Variants in SLIT2 observed in about 807,000 individuals in gnomAD.
The protein encoded by SLIT2 is slit homolog 2 protein.
In SLIT2, 41 loss-of-function variants were observed where a neutral mutation model predicts 185.7. The observed-to-expected ratio is 0.22, with a 90% CI of 0.17 to 0.29. The LOEUF is 0.29. Ranked by LOEUF, SLIT2 falls within the 10% of genes least tolerant of loss-of-function variation. The pLI is 1.00. For synonymous variants in SLIT2, 693 were observed against 680.2 expected (o/e 1.02, Z -0.29); for missense variants, 1,571 against 1,909.0 (o/e 0.82, Z 3.30).
intron 4 of SLIT2, among the ~76,000 whole-genome samples, chr4:20,289,954 C>T (rs1715638330): frequency 6.6e-6 from 1 of 152,212 alleles, no homozygotes; most frequent in African/African-American, 2.4e-5. Flanking sequence ...TCTGTCTGTG[C>T]TCCAGCTGCA....
intron 18 of SLIT2, among the ~76,000 whole-genome samples, chr4:20,536,855 C>T (rs1163683242): frequency 1.3e-5 from 2 of 151,552 alleles, no homozygotes; most frequent in Non-Finnish European, 2.9e-5. Context: ...GATTTACTTA[C>T]TTTTGCATTT....
At chr4:20,579,182 C>A (rs1726322746) in intron 29 of SLIT2, among the ~76,000 whole-genome samples, 1 of 151,674 alleles carries the variant, frequency 6.6e-6, no homozygotes, top group South Asian at 2.1e-4. Context: ...TGCCTGTAAT[C>A]CCAGCTACTC....
chr4:20,580,040 GT>G (rs1338898680), intron 29 of SLIT2, among the ~76,000 whole-genome samples: 1 of 134,934 alleles, frequency 7.4e-6, no homozygotes, highest in African/African-American at 2.8e-5. Flanking sequence ...TATATATTAT[GT>G]ATATATTATA....
At chr4:20,609,570 G>A (rs1159339083) in intron 33 of SLIT2, among the ~76,000 whole-genome samples, 4 of 152,134 alleles carry the variant, frequency 2.6e-5, no homozygotes, top group Non-Finnish European at 4.4e-5. Context: ...TTTTTTAAGA[G>A]CAGAAGCCAG....
At position 20,454,761 on chromosome 4, in the gene SLIT2, T is replaced by A. The variant is rs1037233337; in HGVS notation, c.396-12991T>A. Among the ~76,000 whole-genome samples the A allele has an allele frequency of 4.6e-5, 7 of 152,224 alleles. 1 individual carries two copies. The highest frequency in any genetic ancestry group is 2.0e-4 in the Admixed American group (3 of 15,288). ...TAGGTATTATACATTGCTGTTTCAA[T>A]TTATATAATTAAAATTATATCATTG... is the stretch of plus-strand genomic sequence containing the variant. On this transcript the variant is annotated intron_variant, in intron 4 of 36. Transcript: ENST00000504154.
chr4:20,530,385 TCAGTCCCCCACCCC>T (rs1452840012), intron 16 of SLIT2, among the ~76,000 whole-genome samples: 6 of 151,682 alleles, frequency 4.0e-5, no homozygotes, highest in African/African-American at 1.5e-4. Flanking sequence ...TCCTCCCACC[TCAGTCCCCCACCCC>T]CATCTCCCCA....
At chr4:20,417,647 G>A (rs971976394) in intron 4 of SLIT2, among the ~76,000 whole-genome samples, 2 of 151,398 alleles carry the variant, frequency 1.3e-5, no homozygotes, top group Non-Finnish European at 2.9e-5. Flanking sequence ...TCAGCCTCCC[G>A]AGTAGCTGGG....
intron 9 of SLIT2, among the ~76,000 whole-genome samples, chr4:20,508,700 T>G (rs1719428976): frequency 1.3e-5 from 2 of 152,130 alleles, no homozygotes; most frequent in South Asian, 4.2e-4. Flanking sequence ...GAGTAGGGCA[T>G]TATGGATTTA....
intron 4 of SLIT2, among the ~76,000 whole-genome samples, chr4:20,309,713 A>C (rs553347381): frequency 6.6e-6 from 1 of 150,932 alleles, no homozygotes; most frequent in East Asian, 1.9e-4. Context: ...GTACTACTAA[A>C]GCTCCTTCTA....
At chr4:20,478,180 G>A (rs1442142454) in intron 5 of SLIT2, among the ~76,000 whole-genome samples, 1 of 152,098 alleles carries the variant, frequency 6.6e-6, no homozygotes, top group African/African-American at 2.4e-5. Context: ...AAATTGACAG[G>A]TTAATGAAAG....
rs113449191 is a variant in SLIT2 at position 20,539,417 on chromosome 4, A to G, written c.1833-24A>G. 3.1e-6 allele frequency: 5 copies of G among 1,605,884 alleles called. No individual in the cohort carries two copies. The South Asian group carries it at 4.5e-5, about 14-fold the overall frequency. On this transcript the variant is annotated intron_variant, in intron 18 of 36. Coordinates refer to ENST00000504154, the MANE Select transcript of SLIT2 (RefSeq NM_004787.4). ...GATTGCCTGATGCTTTGTCTCCATA[A>G]CAATGTCCTTTTTTTCCCCTCAGGA...
At chr4:20,539,680 T>C in intron 19 of SLIT2, 96 bp downstream of exon 19, 1 of 850,372 alleles carries the variant, frequency 1.2e-6, no homozygotes. Context: ...TAAAATGTGA[T>C]CAAGGGTTTT....
chr4:20,443,961 A>G (rs1729962724), intron 4 of SLIT2, among the ~76,000 whole-genome samples: 1 of 152,194 alleles, frequency 6.6e-6, no homozygotes, highest in South Asian at 2.1e-4. Context: ...CAGGTACAAT[A>G]CCATTTGACT....
chr4:20,264,926 A>G (rs1560266527), intron 3 of SLIT2, among the ~76,000 whole-genome samples: 2 of 151,888 alleles, frequency 1.3e-5, no homozygotes, highest in Non-Finnish European at 2.9e-5. Context: ...CTTATATATC[A>G]CTATATCTCT....
intron 6 of SLIT2, among the ~76,000 whole-genome samples, chr4:20,481,657 C>T (rs1005053899): frequency 5.9e-5 from 9 of 151,764 alleles, no homozygotes; most frequent in South Asian, 2.1e-4. Flanking sequence ...TAAAAGTTAT[C>T]GAGAAATCAT....
In SLIT2 at chr4:20,616,988, G is replaced by A. The variant is rs772793672; in HGVS notation, c.3926G>A (p.Arg1309Gln). The change falls in exon 35 of 37, where the codon CGG becomes CAG. Residue 1309 changes from arginine (R) to glutamine (Q), a missense_variant. Physicochemically the swap from Arg to Gln is conservative, Grantham distance 43. This residue lies in a region of SLIT2 where 146 missense variants were observed against 247.4 expected (regional missense o/e 0.59). Transcript: ENST00000504154. Reference sequence around the variant, plus strand: ...GGAACCAGCTTCCACGGCTGCATCCGGAACCTTTACATCAACAGTGAGCTG... The same window carrying A: ...GGAACCAGCTTCCACGGCTGCATCCAGAACCTTTACATCAACAGTGAGCTG... The part of the protein sequence containing the change: ...QNGTSFHGCI[R>Q]NLYINSELQD... 1.2e-5 allele frequency: 19 copies of A among 1,613,984 alleles called. No individual in the cohort carries two copies. Among genetic ancestry groups the A allele is most frequent in the Middle Eastern group, 1.6e-4 (1 of 6,084 alleles).
intron 4 of SLIT2, among the ~76,000 whole-genome samples, chr4:20,431,945 CTCTCTT>C (rs966526480): frequency 9.2e-5 from 14 of 152,044 alleles, no homozygotes; most frequent in Admixed American, 7.9e-4. Context: ...ATCTCTCTCT[CTCTCTT>C]TCTCTTTCTC....
Position 20,553,745 on chromosome 4 carries a change from GTGTGTGTGTGTA to G in SLIT2, c.2562-48_2562-37del, listed in dbSNP as rs1425675845. On this transcript the variant is annotated intron_variant, in intron 25 of 36. Coordinates refer to ENST00000504154, the MANE Select transcript of SLIT2 (RefSeq NM_004787.4). ...ACAATACTTCCATACTTGTGTGTGT[GTGTGTGTGTGTA>G]TGTGTGTGTGTGTATGTGTGTGTGC... 4.9e-4 allele frequency: 633 copies of G among 1,304,504 alleles called. 2 individuals are homozygous for G. The African/African-American group carries it at 8.0e-3, about 16-fold the overall frequency. 80.8% of individuals were successfully genotyped at this position (1,304,504 alleles called of 1,614,324 possible). A position where few individuals can be genotyped will look rare whatever the true frequency, so the allele number is the denominator to read the frequency against.
At position 20,546,072 on chromosome 4, in the gene SLIT2, T is replaced by C. The variant is rs761120059; in HGVS notation, c.2318T>C (p.Leu773Pro). The stretch of plus-strand genomic sequence containing the variant: ...CAATTTACACTGGTTCCCAAGGAAC[T>C]CTCCAACTACAAACATTTAACACTT... ...GNQFTLVPKE[L>P]SNYKHLTLID... is the part of the protein sequence containing the mutation. Residue 773 changes from leucine (L) to proline (P), a missense_variant, in exon 22 of 37, where the codon CTC becomes CCC. Physicochemically the swap from Leu to Pro is moderately conservative, Grantham distance 98. Coordinates refer to ENST00000504154, the MANE Select transcript of SLIT2 (RefSeq NM_004787.4). The C allele has an allele frequency of 1.0e-5, 16 of 1,588,626 alleles. No homozygotes were observed. The South Asian group carries it at 1.8e-4, about 18-fold the overall frequency.
Sources: allele counts gnomAD v4.1 joint callset (sites outside exome capture counted in the v4.1 genomes callset), GRCh38; gene constraint gnomAD v4.1.1; regional missense constraint gnomAD v4.1.1; transcripts MANE v1.5; gene names NCBI Gene and HGNC (gene_info 2026-07-23, HGNC 2026-07-21).